ITGB3BP: variants seen among roughly 807,000 people sequenced by gnomAD.
ITGB3BP encodes the protein centromere protein R.
ITGB3BP carries 27 observed loss-of-function variants against 29.1 expected under a neutral mutation model. The ratio of observed to expected loss-of-function variants is 0.93; its 90% confidence interval spans 0.68 to 1.28. ITGB3BP has a LOEUF of 1.28. Ranked by LOEUF, ITGB3BP falls within the 50% of genes most tolerant of loss-of-function variation. The probability of loss-of-function intolerance (pLI) is 0.00; values close to 1 mark genes in which losing one functional copy is unlikely to be tolerated. For missense variants in ITGB3BP, 192 were observed against 200.2 expected (o/e 0.96, Z 0.25); for synonymous variants, 61 against 61.4 (o/e 0.99, Z 0.03).
intron 1 of ITGB3BP, among the ~76,000 whole-genome samples, chr1:63,512,365 T>C (rs2175392): frequency 0.73 from 111,309 of 151,794 alleles, 42,882 homozygotes; most frequent in Non-Finnish European, 0.85. Context: ...CACAATGTTA[T>C]TGACTAACAT....
At chr1:63,458,585 G>A (rs1414593137) in intron 4 of ITGB3BP, among the ~76,000 whole-genome samples, 1 of 152,078 alleles carries the variant, frequency 6.6e-6, no homozygotes, top group Non-Finnish European at 1.5e-5. Context: ...TGTAGGCATT[G>A]TGGATATAGT....
rs1007710880 is a variant in ITGB3BP at position 63,516,759 on chromosome 1, A to C, written c.5+6370T>G. On this transcript the variant is annotated intron_variant, in intron 1 of 8. Coordinates refer to ENST00000271002, the MANE Select transcript of ITGB3BP (RefSeq NM_014288.5). ...AGAAAAAAAAAGAAAAGCAAATACC[A>C]CATGTTCTCATCTATTAGTGGGAGC... is the stretch of plus-strand genomic sequence containing the variant. Among the ~76,000 whole-genome samples, 22 of 151,904 alleles carry C rather than the reference A, an allele frequency of 1.4e-4. No individual in the cohort carries two copies. The South Asian group carries it at 2.1e-3, about 14-fold the overall frequency.
chr1:63,522,046 T>C (rs1171160220), intron 1 of ITGB3BP, among the ~76,000 whole-genome samples: 2 of 152,170 alleles, frequency 1.3e-5, no homozygotes, highest in Non-Finnish European at 2.9e-5. Context: ...TCCTCAATAA[T>C]CCATAACTTT....
chr1:63,516,375 G>GA (rs1291882868), intron 1 of ITGB3BP, among the ~76,000 whole-genome samples: 1 of 117,082 alleles, frequency 8.5e-6, no homozygotes. Context: ...AAGGGGGGGG[G>GA]AAGGGAAAAG....
intron 2 of ITGB3BP, among the ~76,000 whole-genome samples, chr1:63,491,676 AT>A (rs552950101): frequency 4.9e-4 from 74 of 152,216 alleles, no homozygotes; most frequent in African/African-American, 1.7e-3. Flanking sequence ...TTCAAAAAAA[AT>A]TTTTTTACAG....
At chr1:63,522,916 T>C (rs763880396) in intron 1 of ITGB3BP, 14 of 742,290 alleles carry the variant, frequency 1.9e-5, no homozygotes, top group Middle Eastern at 2.3e-4. Context: ...AAAAGCATCG[T>C]AGAAACAGAA....
At chr1:63,499,366 G>C (rs1645869123) in intron 2 of ITGB3BP, among the ~76,000 whole-genome samples, 1 of 151,972 alleles carries the variant, frequency 6.6e-6, no homozygotes, top group African/African-American at 2.4e-5. Context: ...GGTCAGGCTG[G>C]TCTCGAACTC....
At chr1:63,441,716 T>G (rs1644733078) in intron 8 of ITGB3BP, among the ~76,000 whole-genome samples, 1 of 152,186 alleles carries the variant, frequency 6.6e-6, no homozygotes, top group Non-Finnish European at 1.5e-5. Flanking sequence ...CTTAGGGGCC[T>G]TTCAGCAGGT....
At chr1:63,469,988 A>C (rs577221498) in intron 4 of ITGB3BP, among the ~76,000 whole-genome samples, 1 of 152,366 alleles carries the variant, frequency 6.6e-6, no homozygotes, top group Admixed American at 6.5e-5. Context: ...CTTAAGCCAC[A>C]AACAATAGCA....
At chr1:63,441,551 T>C (rs1644731067) in intron 8 of ITGB3BP, among the ~76,000 whole-genome samples, 1 of 152,014 alleles carries the variant, frequency 6.6e-6, no homozygotes, top group Non-Finnish European at 1.5e-5. Flanking sequence ...TGCTTTTTGA[T>C]TATCTTCACT....
intron 4 of ITGB3BP, among the ~76,000 whole-genome samples, chr1:63,468,575 A>G (rs1487131467): frequency 6.6e-6 from 1 of 151,378 alleles, no homozygotes; most frequent in Non-Finnish European, 1.5e-5. Flanking sequence ...AAAATACAAA[A>G]AATTGGCCAG....
chr1:63,513,557 T>C (rs560206306), intron 1 of ITGB3BP, among the ~76,000 whole-genome samples: 6 of 152,292 alleles, frequency 3.9e-5, no homozygotes, highest in African/African-American at 1.4e-4. Context: ...GGGCACTAAA[T>C]GTGTTCACTG....
intron 3 of ITGB3BP, among the ~76,000 whole-genome samples, chr1:63,485,795 G>C (rs780199975): frequency 7.2e-5 from 11 of 151,938 alleles, no homozygotes; most frequent in Non-Finnish European, 1.3e-4. Context: ...ATATAGATAA[G>C]TTTATCAGTC....
intron 3 of ITGB3BP, among the ~76,000 whole-genome samples, chr1:63,481,218 A>G (rs1464545900): frequency 6.6e-6 from 1 of 152,142 alleles, no homozygotes; most frequent in Non-Finnish European, 1.5e-5. Flanking sequence ...TAAGAGAACT[A>G]GTCAAATATC....
chr1:63,454,263 G>T lies in ITGB3BP; in HGVS notation c.427+117C>A. 2.0e-6 allele frequency: 1 copy of T among 506,254 alleles called. No individual in the cohort carries two copies. The highest frequency in any genetic ancestry group is 3.5e-6 in the Non-Finnish European group (1 of 283,874). The allele number at this position is 506,254 out of a possible 1,614,324, so 31.4% of individuals were successfully genotyped here. On this transcript the variant is annotated intron_variant, in intron 6 of 8. Transcript: ENST00000271002. The surrounding 1 kb of genome is among the most constrained non-coding windows in gnomAD (Gnocchi z 4.1). ...GGCTTCTTATTTAAAGAAGGTAATA[G>T]TATTTTTATCACATGTCCAGTAATG... is the stretch of plus-strand genomic sequence containing the variant.
chr1:63,524,786 A>C (rs1412134738), upstream of ITGB3BP, among the ~76,000 whole-genome samples: 1 of 152,112 alleles, frequency 6.6e-6, no homozygotes, highest in Non-Finnish European at 1.5e-5. Context: ...GCTACCCCTC[A>C]ATTTCCTCAT....
At chr1:63,504,321 T>C (rs1402857895) in intron 2 of ITGB3BP, among the ~76,000 whole-genome samples, 1 of 151,940 alleles carries the variant, frequency 6.6e-6, no homozygotes, top group East Asian at 1.9e-4. Context: ...TTGTCTGTTA[T>C]TGGTGTATAA....
chr1:63,504,939 C>T (rs927940516), intron 2 of ITGB3BP, among the ~76,000 whole-genome samples: 19 of 152,214 alleles, frequency 1.2e-4, no homozygotes, highest in Non-Finnish European at 2.2e-4. Flanking sequence ...ATTTTTGCAT[C>T]GATGTTCATC....
At chr1:63,494,529 T>C (rs1308889016) in intron 2 of ITGB3BP, among the ~76,000 whole-genome samples, 1 of 152,186 alleles carries the variant, frequency 6.6e-6, no homozygotes, top group Non-Finnish European at 1.5e-5. Flanking sequence ...GAACTTATCT[T>C]AGTGATCTTA....
Sources: allele counts gnomAD v4.1 joint callset (sites outside exome capture counted in the v4.1 genomes callset), GRCh38; gene constraint gnomAD v4.1.1; non-coding constraint Gnocchi (gnomAD v3.1); transcripts MANE v1.5; gene names NCBI Gene and HGNC (gene_info 2026-07-23, HGNC 2026-07-21).